The following TLE1 variants were observed in gnomAD, a reference collection of about 807,000 sequenced individuals.
TLE1 encodes the protein TLE family member 1, transcriptional corepressor.
Under a neutral mutation model 89.8 loss-of-function variants are expected in TLE1, and 21 were observed. That is an observed-to-expected ratio of 0.23 (90% CI 0.17 to 0.34). The LOEUF is 0.34. Ranked by LOEUF, TLE1 falls within the 10% of genes least tolerant of loss-of-function variation. TLE1 has a pLI of 1.00. For missense variants in TLE1, 795 were observed against 1,031.2 expected, an observed-to-expected ratio of 0.77 and a Z score of 3.14; for synonymous variants, 447 against 407.6, an observed-to-expected ratio of 1.10 and a Z score of -1.16.
intron 11 of TLE1, among the ~76,000 whole-genome samples, chr9:81,615,199 A>C (rs1824305952): frequency 6.9e-6 from 1 of 144,934 alleles, no homozygotes; most frequent in Admixed American, 7.0e-5. Context: ...CGTGGTGGTG[A>C]GTGCCTGTAA....
At position 81,616,026 on chromosome 9, in the gene TLE1, A is replaced by C; in HGVS notation, c.874T>G (p.Ser292Ala). The change falls in exon 11 of 20, where the codon TCC (serine) becomes GCC (alanine). Residue 292 changes from serine to alanine, a missense_variant. Physicochemically the swap from Ser to Ala is moderately conservative, Grantham distance 99. Transcript: ENST00000376499. ...TTCAAAGAAGTGGAACTTGCCGAGGAGGCCGTGGAAGCTGGACTGCTAGAA... is the reference window on the plus strand; with the variant it reads ...TTCAAAGAAGTGGAACTTGCCGAGGCGGCCGTGGAAGCTGGACTGCTAGAA... ...DASSSPASTA[S>A]SASSTSLKSK... 1 of 1,613,896 alleles carries C rather than the reference A, an allele frequency of 6.2e-7. No individual in the cohort carries two copies. Among genetic ancestry groups the C allele is most frequent in the Non-Finnish European group, 8.5e-7 (1 of 1,179,990 alleles).
intron 5 of TLE1, among the ~76,000 whole-genome samples, chr9:81,652,563 A>T (rs1304183129): frequency 6.6e-6 from 1 of 152,206 alleles, no homozygotes; most frequent in Non-Finnish European, 1.5e-5. Context: ...ATAAAGAATG[A>T]TAACATAGGA....
chr9:81,646,952 G>A (rs1304379998), intron 6 of TLE1, among the ~76,000 whole-genome samples: 2 of 152,098 alleles, frequency 1.3e-5, no homozygotes. Flanking sequence ...CTTGACCAAG[G>A]TTATGTTCAT....
intron 6 of TLE1, among the ~76,000 whole-genome samples, chr9:81,637,272 C>T (rs1055137107): frequency 2.0e-5 from 3 of 152,122 alleles, no homozygotes; most frequent in Non-Finnish European, 4.4e-5. Flanking sequence ...GTGGGAGAAT[C>T]GCTTGAACTT....
chr9:81,629,217 C>A (rs1826269397), intron 8 of TLE1, among the ~76,000 whole-genome samples: 1 of 152,044 alleles, frequency 6.6e-6, no homozygotes, highest in South Asian at 2.1e-4. Flanking sequence ...TTTTTTTAAA[C>A]CATACAACTT....
intron 8 of TLE1, among the ~76,000 whole-genome samples, chr9:81,631,642 CA>C (rs1273140167): frequency 6.6e-6 from 1 of 152,186 alleles, no homozygotes; most frequent in Non-Finnish European, 1.5e-5. Flanking sequence ...TAAGGTGAAA[CA>C]GGAGTACTGA....
chr9:81,655,060 G>A (rs1445208060), intron 4 of TLE1, among the ~76,000 whole-genome samples: 3 of 152,066 alleles, frequency 2.0e-5, no homozygotes, highest in African/African-American at 7.2e-5. Context: ...CTATAGCACG[G>A]GCTGTTTTAA....
chr9:81,675,961 A>C (rs1324127055), intron 4 of TLE1, among the ~76,000 whole-genome samples: 1 of 151,978 alleles, frequency 6.6e-6, no homozygotes, highest in Admixed American at 6.5e-5. Context: ...AGCCTCCCAA[A>C]GTGCTGGGAT....
chr9:81,683,999 T>C (rs1165211113), intron 4 of TLE1, among the ~76,000 whole-genome samples: 1 of 152,138 alleles, frequency 6.6e-6, no homozygotes, highest in Non-Finnish European at 1.5e-5. Flanking sequence ...AGCACCAGCA[T>C]ATAGCATCAC....
At chr9:81,645,462 T>C (rs1327793670) in intron 6 of TLE1, among the ~76,000 whole-genome samples, 1 of 151,948 alleles carries the variant, frequency 6.6e-6, no homozygotes, top group Non-Finnish European at 1.5e-5. Flanking sequence ...AAATGCTTGC[T>C]GGGTCTGGTG....
intron 13 of TLE1, among the ~76,000 whole-genome samples, chr9:81,611,323 G>C (rs929177748): frequency 1.4e-4 from 21 of 152,036 alleles, no homozygotes; most frequent in Admixed American, 1.4e-3. Flanking sequence ...GTGTAACATA[G>C]GCATAGAAAG....
chr9:81,584,393 T>A (rs1450329314), intron 19 of TLE1, 55 bp downstream of exon 19: 1 of 1,611,368 alleles, frequency 6.2e-7, no homozygotes, highest in Non-Finnish European at 8.5e-7. Flanking sequence ...CACTCCTGGC[T>A]TCAGAGGCGA....
intron 4 of TLE1, among the ~76,000 whole-genome samples, chr9:81,666,733 CCA>C (rs1831509268): frequency 2.6e-5 from 4 of 151,670 alleles, no homozygotes; most frequent in Non-Finnish European, 4.4e-5. Context: ...CAAGATCATG[CCA>C]CTGCACTCCA....
Position 81,611,866 on chromosome 9 carries a change from C to T in TLE1, c.1157G>A (p.Ser386Asn). The part of the protein sequence containing the change: ...PHAGMNGELT[S>N]PGAAYASLHN... ...TAAACTGGCGTAGGCAGCGCCTGGGCTGGTCAGCTCGCCGTTCATGCCAGC... is the reference window on the plus strand; with the variant it reads ...TAAACTGGCGTAGGCAGCGCCTGGGTTGGTCAGCTCGCCGTTCATGCCAGC... Residue 386 changes from serine to asparagine, a missense_variant, in exon 13 of 20, where the codon AGC becomes AAC. By Grantham distance (46) the Ser-to-Asn change is conservative (BLOSUM62 1). Coordinates refer to ENST00000376499, the MANE Select transcript of TLE1 (RefSeq NM_005077.5). 1 of 1,558,230 alleles carries T rather than the reference C, an allele frequency of 6.4e-7. No individual in the cohort carries two copies. The highest frequency in any genetic ancestry group is 8.7e-7 in the Non-Finnish European group (1 of 1,155,858).
At chr9:81,587,965 G>A in intron 16 of TLE1, 137 bp from the exon 17 acceptor site, 1 of 733,488 alleles carries the variant, frequency 1.4e-6, no homozygotes, top group Non-Finnish European at 1.8e-6. Context: ...AGTGTCTGCT[G>A]ATGTGCAAGA....
At chr9:81,594,062 T>C (rs1379125792) in intron 14 of TLE1, among the ~76,000 whole-genome samples, 5 of 152,108 alleles carry the variant, frequency 3.3e-5, no homozygotes, top group East Asian at 1.9e-4. Flanking sequence ...GGATGGGGGA[T>C]ATGGGAACTC....
chr9:81,630,529 C>T (rs1327071671), intron 8 of TLE1, among the ~76,000 whole-genome samples: 1 of 152,034 alleles, frequency 6.6e-6, no homozygotes, highest in Non-Finnish European at 1.5e-5. Context: ...AAAATATTAA[C>T]CTAGTAAATA....
At chr9:81,602,990 AC>A (rs1831146620) in intron 14 of TLE1, among the ~76,000 whole-genome samples, 1 of 152,016 alleles carries the variant, frequency 6.6e-6, no homozygotes, top group Non-Finnish European at 1.5e-5. Flanking sequence ...TGGTTGGGAA[AC>A]CCATCTTGTC....
At chr9:81,658,434 G>C (rs1197972899) in intron 4 of TLE1, among the ~76,000 whole-genome samples, 1 of 152,080 alleles carries the variant, frequency 6.6e-6, no homozygotes, top group East Asian at 1.9e-4. Flanking sequence ...TAAATGGTCT[G>C]GAGAAGAAGC....
Sources: allele counts gnomAD v4.1 joint callset (sites outside exome capture counted in the v4.1 genomes callset), GRCh38; gene constraint gnomAD v4.1.1; transcripts MANE v1.5; gene names NCBI Gene and HGNC (gene_info 2026-07-23, HGNC 2026-07-21).